The following AHCTF1 variants were observed in gnomAD, a reference collection of about 807,000 sequenced individuals.
AHCTF1 encodes the protein protein ELYS.
In AHCTF1, 24 loss-of-function variants were observed where a neutral mutation model predicts 248.4. That is an observed-to-expected ratio of 0.10 (90% confidence interval 0.07 to 0.14). The LOEUF is 0.14. Among genes scored for constraint, AHCTF1 ranks in the 10% least tolerant of loss-of-function variants. The pLI is 1.00. For synonymous variants in AHCTF1, 786 were observed against 929.8 expected (o/e 0.85, Z 2.81); for missense variants, 2,206 against 2,636.2 (o/e 0.84, Z 3.57).
intron 11 of AHCTF1, among the ~76,000 whole-genome samples, chr1:246,898,665 G>C (rs370142896): frequency 4.2e-4 from 54 of 128,938 alleles, no homozygotes; most frequent in African/African-American, 1.7e-3. Context: ...CACACACACA[G>C]GAAAACTCCT....
intron 35 of AHCTF1, among the ~76,000 whole-genome samples, chr1:246,841,933 C>T (rs574774746): frequency 2.4e-4 from 37 of 151,312 alleles, no homozygotes; most frequent in Admixed American, 2.0e-4. Flanking sequence ...GGACTACAGG[C>T]ACCCACCACC....
In AHCTF1 at chr1:246,840,647, T is replaced by C. The variant is rs1317261163; in HGVS notation, c.*159A>G. The C allele has an allele frequency of 2.3e-6, 1 of 440,996 alleles. No individual in the cohort carries two copies. The highest frequency in any genetic ancestry group is 2.1e-5 in the African/African-American group (1 of 48,766). 27.3% of individuals were successfully genotyped at this position (440,996 alleles called of 1,614,324 possible). A position where few individuals can be genotyped will look rare whatever the true frequency, so the allele number is the denominator to read the frequency against. Reference sequence around the variant, plus strand: ...AGAAAAATTGCCTGGACTGAAACAATCACTCCATATGGAGTTACTTTACTT... The same window carrying C: ...AGAAAAATTGCCTGGACTGAAACAACCACTCCATATGGAGTTACTTTACTT... On this transcript the variant is annotated 3_prime_UTR_variant, in exon 36 of 36. Coordinates refer to ENST00000648844, the MANE Select transcript of AHCTF1 (RefSeq NM_001323342.2).
At chr1:246,894,959 C>T (rs952141817) in intron 13 of AHCTF1, among the ~76,000 whole-genome samples, 1 of 151,504 alleles carries the variant, frequency 6.6e-6, no homozygotes, top group Admixed American at 6.6e-5. Context: ...CAAAAACTGT[C>T]ATTTAATCAT....
In AHCTF1 at chr1:246,913,280, G is replaced by A. The variant is rs778207893; in HGVS notation, c.508C>T (p.Leu170=). The A allele has an allele frequency of 6.2e-7, 1 of 1,612,506 alleles. No individual in the cohort carries two copies. Among genetic ancestry groups the A allele is most frequent in the Admixed American group, 1.7e-5 (1 of 59,932 alleles). The change falls in exon 4 of 36, where the codon CTA becomes TTA. Residue 170 remains leucine (L), a synonymous_variant. Coordinates refer to ENST00000648844, the MANE Select transcript of AHCTF1 (RefSeq NM_001323342.2). ...TTGCATGACAAGTCATCCAAACATA[G>A]GTCAACAAGAAGGATCTGTCCAACA... The part of the protein sequence containing the change: ...TDVGQILLVD[L]CLDDLSCNQN...
intron 29 of AHCTF1, among the ~76,000 whole-genome samples, chr1:246,858,633 G>A (rs181213354): frequency 6.6e-6 from 1 of 151,768 alleles, no homozygotes; most frequent in African/African-American, 2.4e-5. Flanking sequence ...TTCGAGACCA[G>A]CCTGGCCAAC....
intron 4 of AHCTF1, among the ~76,000 whole-genome samples, chr1:246,909,079 ATATCTATC>A (rs10657928): frequency 1.1e-3 from 161 of 143,280 alleles, no homozygotes; most frequent in African/African-American, 2.9e-3. Flanking sequence ...ATATATATCT[ATATCTATC>A]TATCTATCTA....
In AHCTF1 at chr1:246,861,973, T is replaced by C. The variant is rs751803469; in HGVS notation, c.3721A>G (p.Lys1241Glu). ...ISFVEEDVHP[K>E]WIPGAADDSK... The stretch of plus-strand genomic sequence containing the variant: ...ATCAAACTTACCCCAGGAATCCATT[T>C]TGGGTGGACATCTTCTTCCACAAAT... Residue 1241 changes from lysine to glutamate, a missense_variant, in exon 28 of 36, where the codon AAA becomes GAA. By Grantham distance (56) the Lys-to-Glu change is moderately conservative. Transcript: ENST00000648844. 4 of 1,611,936 alleles carry C rather than the reference T, an allele frequency of 2.5e-6. No individual in the cohort carries two copies. Among genetic ancestry groups the C allele is most frequent in the Non-Finnish European group, 3.4e-6 (4 of 1,179,356 alleles).
At chr1:246,842,091 C>A (rs998248622) in intron 35 of AHCTF1, among the ~76,000 whole-genome samples, 10 of 152,088 alleles carry the variant, frequency 6.6e-5, no homozygotes, top group African/African-American at 2.2e-4. Context: ...CCACGCCCGA[C>A]CTCCCATGTT....
At chr1:246,841,105 A>G (rs1659835247) in intron 35 of AHCTF1, 107 bp from the exon 36 acceptor site, 3 of 899,958 alleles carry the variant, frequency 3.3e-6, no homozygotes, top group Admixed American at 3.4e-5. Context: ...TAGTGCTTTC[A>G]TTTTATAAAA....
intron 31 of AHCTF1, among the ~76,000 whole-genome samples, chr1:246,855,056 C>T (rs1244525166): frequency 6.6e-6 from 1 of 152,200 alleles, no homozygotes; most frequent in Admixed American, 6.5e-5. Context: ...TTGCCGTATA[C>T]CCCATTCATA....
rs1388634113 is a variant in AHCTF1 at position 246,855,517 on chromosome 1, T to C, written c.4354+213A>G. On this transcript the variant is annotated intron_variant, in intron 31 of 35. Coordinates refer to ENST00000648844, the MANE Select transcript of AHCTF1 (RefSeq NM_001323342.2). Reference sequence around the variant, plus strand: ...ACTAGTAATCTAAGACTTTGAATATTAGAGCCACAGAATGCCTTACAAGCA... The same window carrying C: ...ACTAGTAATCTAAGACTTTGAATATCAGAGCCACAGAATGCCTTACAAGCA... Among the ~76,000 whole-genome samples, 6 of 152,146 alleles carry C rather than the reference T, an allele frequency of 3.9e-5. No individual in the cohort carries two copies. The East Asian group carries it at 1.2e-3, about 29-fold the overall frequency.
chr1:246,927,969 C>G (rs550826337), intron 1 of AHCTF1, among the ~76,000 whole-genome samples: 4 of 150,986 alleles, frequency 2.6e-5, no homozygotes. Flanking sequence ...CACTGCACTC[C>G]AGCCTGGCGA....
In AHCTF1 at chr1:246,925,933, C is replaced by T. The variant is rs796074494; in HGVS notation, c.-8+5645G>A. Among the ~76,000 whole-genome samples, 26 of 151,724 alleles carry T rather than the reference C, an allele frequency of 1.7e-4. 1 individual carries two copies. The highest frequency in any genetic ancestry group is 5.3e-4 in the African/African-American group (22 of 41,380). Reference sequence around the variant, plus strand: ...AAAAATAATTAGCCAGGTGTGGTGGCGCCTGCCTGTAGTCCCAGCTACTGG... The same window carrying T: ...AAAAATAATTAGCCAGGTGTGGTGGTGCCTGCCTGTAGTCCCAGCTACTGG... On this transcript the variant is annotated intron_variant, in intron 1 of 35. Transcript: ENST00000648844.
Position 246,863,998 on chromosome 1 carries a change from G to T in AHCTF1, c.3466C>A (p.Gln1156Lys), listed in dbSNP as rs1242399419. ...LVSRSLPSSS[Q>K]LKGSPQAISR... ...ATGGCCTGAGGCGATCCTTTTAATTGCGAACTTGAGGGCAGTGAACGGGAT... is the reference window on the plus strand; with the variant it reads ...ATGGCCTGAGGCGATCCTTTTAATTTCGAACTTGAGGGCAGTGAACGGGAT... Residue 1156 changes from glutamine to lysine, a missense_variant, in exon 27 of 36, where the codon CAA (glutamine) becomes AAA (lysine). Physicochemically the swap from Gln to Lys is moderately conservative, Grantham distance 53. Transcript: ENST00000648844. 6.2e-7 allele frequency: 1 copy of T among 1,614,108 alleles called. No individual in the cohort carries two copies. The highest frequency in any genetic ancestry group is 8.5e-7 in the Non-Finnish European group (1 of 1,180,020).
chr1:246,853,318 A>G lies in AHCTF1; in HGVS notation c.4355-19T>C. ...GCCATAGCTGAAAGAAAAATGAGTGAATTTTTTACATTTAAACTGAAAAAT... is the reference window on the plus strand; with the variant it reads ...GCCATAGCTGAAAGAAAAATGAGTGGATTTTTTACATTTAAACTGAAAAAT... On this transcript the variant is annotated intron_variant, in intron 31 of 35. Transcript: ENST00000648844. The G allele has an allele frequency of 6.3e-7, 1 of 1,585,266 alleles. No homozygotes were observed. The highest frequency in any genetic ancestry group is 1.2e-5 in the South Asian group (1 of 86,806).
chr1:246,871,723 C>G (rs1662601458), intron 24 of AHCTF1, among the ~76,000 whole-genome samples: 1 of 151,890 alleles, frequency 6.6e-6, no homozygotes, highest in African/African-American at 2.4e-5. Flanking sequence ...TTTTTTGAGG[C>G]CTCCTGACTG....
chr1:246,844,541 T>A (rs1320960571), intron 33 of AHCTF1, among the ~76,000 whole-genome samples: 1 of 151,970 alleles, frequency 6.6e-6, no homozygotes, highest in Non-Finnish European at 1.5e-5. Flanking sequence ...ATCAACAAAG[T>A]GAGAGCCCTG....
chr1:246,883,871 T>C (rs1029839484), intron 21 of AHCTF1, among the ~76,000 whole-genome samples: 2 of 152,092 alleles, frequency 1.3e-5, no homozygotes, highest in Non-Finnish European at 2.9e-5. Context: ...ATGGCAAAGG[T>C]AAAGGAAATT....
intron 2 of AHCTF1, among the ~76,000 whole-genome samples, chr1:246,917,665 C>T (rs890699441): frequency 6.6e-6 from 1 of 152,170 alleles, no homozygotes; most frequent in African/African-American, 2.4e-5. Flanking sequence ...ATGACTGATA[C>T]ATATGTTTTG....
Sources: gnomAD v4.1 joint callset for allele counts (sites outside exome capture counted in the v4.1 genomes callset) on GRCh38, gnomAD v4.1.1 for gene constraint, MANE v1.5 for transcripts, NCBI Gene and HGNC (gene_info 2026-07-23, HGNC 2026-07-21) for gene names.